The following PPP1R12B variants were observed in gnomAD, a reference collection of about 807,000 sequenced individuals.
PPP1R12B encodes protein phosphatase 1 regulatory subunit 12B.
PPP1R12B carries 76 observed loss-of-function variants against 126.1 expected under a neutral mutation model. The ratio of observed to expected loss-of-function variants is 0.60; its 90% CI spans 0.50 to 0.73. The LOEUF is 0.73. Among genes scored for constraint, PPP1R12B ranks in the 30% least tolerant of loss-of-function variants. PPP1R12B has a pLI of 0.00. For synonymous variants in PPP1R12B, 356 were observed against 434.7 expected, an observed-to-expected ratio of 0.82 and a Z score of 2.25; for missense variants, 1,052 against 1,205.1, an observed-to-expected ratio of 0.87 and a Z score of 1.88.
chr1:202,570,641 A>G lies in PPP1R12B; in HGVS notation c.2862+1444A>G, dbSNP rs1027567795. Among the ~76,000 whole-genome samples the G allele has an allele frequency of 2.2e-4, 33 of 152,206 alleles. 1 individual carries two copies. The highest frequency in any genetic ancestry group is 1.2e-3 in the Admixed American group (19 of 15,282). On this transcript the variant is annotated intron_variant, in intron 23 of 23. Coordinates refer to ENST00000608999, the MANE Select transcript of PPP1R12B (RefSeq NM_002481.4). ...TTTTTTTCAAACGCACCTTACTACC[A>G]CACAGAAGTATTCTCTCCCGCTTAG...
chr1:202,478,974 T>C (rs1217903301), intron 13 of PPP1R12B, among the ~76,000 whole-genome samples: 3 of 152,190 alleles, frequency 2.0e-5, no homozygotes, highest in African/African-American at 4.8e-5. Flanking sequence ...AAGAATTCAG[T>C]ATAATAGTGA....
At chr1:202,405,490 C>G (rs1352341045) in intron 1 of PPP1R12B, among the ~76,000 whole-genome samples, 1 of 152,084 alleles carries the variant, frequency 6.6e-6, no homozygotes, top group Non-Finnish European at 1.5e-5. Context: ...CCCTTGTTAA[C>G]TCTGGAGATA....
In PPP1R12B at chr1:202,580,660, G is replaced by C; in HGVS notation, c.*100G>C. Reference sequence around the variant, plus strand: ...TCCAACCAAAAGAAATGGATGTTTTGGTGGAAGGACACTTCTTTCTATCAC... The same window carrying C: ...TCCAACCAAAAGAAATGGATGTTTTCGTGGAAGGACACTTCTTTCTATCAC... On this transcript the variant is annotated 3_prime_UTR_variant, in exon 24 of 24. Transcript: ENST00000608999. 1.0e-6 allele frequency: 1 copy of C among 975,366 alleles called. No individual in the cohort carries two copies. Among genetic ancestry groups the C allele is most frequent in the South Asian group, 1.4e-5 (1 of 72,958 alleles). The allele number at this position is 975,366 out of a possible 1,614,324, so 60.4% of individuals were successfully genotyped here. A position where few individuals can be genotyped will look rare whatever the true frequency, so the allele number is the denominator to read the frequency against.
intron 1 of PPP1R12B, among the ~76,000 whole-genome samples, chr1:202,391,565 G>T (rs567428067): frequency 6.7e-6 from 1 of 149,876 alleles, no homozygotes; most frequent in African/African-American, 2.5e-5. Context: ...TTCTACTCAG[G>T]TGTATTGAAG....
rs780900215 is a variant in PPP1R12B at position 202,422,677 on chromosome 1, C to T, written c.480C>T (p.Pro160=). The part of the protein sequence containing the change: ...VGIVNSEGEV[P]SDLAEEPAMK... ...TTGTCAATAGTGAAGGTGAAGTTCCCTCTGACCTTGCAGAAGAGCCAGCCA... is the reference window on the plus strand; with the variant it reads ...TTGTCAATAGTGAAGGTGAAGTTCCTTCTGACCTTGCAGAAGAGCCAGCCA... Residue 160 remains proline, a synonymous_variant, in exon 3 of 24, where the codon CCC becomes CCT. Transcript: ENST00000608999. 2 of 1,613,824 alleles carry T rather than the reference C, an allele frequency of 1.2e-6. No individual in the cohort carries two copies. Among genetic ancestry groups the T allele is most frequent in the East Asian group, 2.2e-5 (1 of 44,874 alleles).
At chr1:202,383,342 C>A (rs7531968) in intron 1 of PPP1R12B, among the ~76,000 whole-genome samples, 3,451 of 152,254 alleles carry the variant, frequency 0.023, 134 homozygotes, top group African/African-American at 0.077. Flanking sequence ...AGGAATGTAT[C>A]CCTAAATATT....
At chr1:202,526,493 G>A (rs773873813) in intron 18 of PPP1R12B, among the ~76,000 whole-genome samples, 23 of 152,104 alleles carry the variant, frequency 1.5e-4, no homozygotes, top group Non-Finnish European at 2.4e-4. Context: ...GCACAGGTGC[G>A]GGTGTGGAGT....
At chr1:202,509,394 A>G (rs935467682) in intron 18 of PPP1R12B, among the ~76,000 whole-genome samples, 6 of 152,132 alleles carry the variant, frequency 3.9e-5, no homozygotes, top group African/African-American at 1.4e-4. Flanking sequence ...TCTCTCTGTT[A>G]TGTTTTAGTT....
At position 202,358,147 on chromosome 1, in the gene PPP1R12B, A is replaced by G. The variant is rs557465516; in HGVS notation, c.291+9005A>G. On this transcript the variant is annotated intron_variant, in intron 1 of 23. Transcript: ENST00000608999. ...TAAATCCAGATTAAGACCTTGGCCC[A>G]GAATGTCATATAGGACAAGGAATTG... 2.0e-5 allele frequency among the ~76,000 whole-genome samples: 3 copies of G among 152,340 alleles called. No homozygotes were observed. The South Asian group carries it at 6.2e-4, about 32-fold the overall frequency.
chr1:202,403,559 G>A (rs1378728095), intron 1 of PPP1R12B, among the ~76,000 whole-genome samples: 1 of 152,200 alleles, frequency 6.6e-6, no homozygotes, highest in Non-Finnish European at 1.5e-5. Context: ...CCCATGCCAT[G>A]GTATTCATGA....
chr1:202,410,576 A>C (rs766602431), intron 1 of PPP1R12B, among the ~76,000 whole-genome samples: 10 of 152,232 alleles, frequency 6.6e-5, no homozygotes, highest in Non-Finnish European at 1.3e-4. Flanking sequence ...CTGCACTGCC[A>C]GATTTAACCC....
chr1:202,377,256 C>G (rs1661316732), intron 1 of PPP1R12B, among the ~76,000 whole-genome samples: 1 of 151,402 alleles, frequency 6.6e-6, no homozygotes, highest in Admixed American at 6.6e-5. Flanking sequence ...TTGGGTATCT[C>G]GTAACTGCTT....
chr1:202,402,527 G>A (rs924460172), intron 1 of PPP1R12B, among the ~76,000 whole-genome samples: 8 of 152,282 alleles, frequency 5.3e-5, no homozygotes, highest in African/African-American at 1.9e-4. Flanking sequence ...TCTAGTGTGT[G>A]TTCTGTTTTC....
At chr1:202,497,484 T>G (rs1444921640) in intron 18 of PPP1R12B, among the ~76,000 whole-genome samples, 6 of 152,244 alleles carry the variant, frequency 3.9e-5, no homozygotes, top group Admixed American at 3.3e-4. Flanking sequence ...ATTGAAATTA[T>G]GTAAAAAGAT....
rs759740349 is a variant in PPP1R12B, at chr1:202,425,599, A to G, written c.575A>G (p.Glu192Gly). The G allele has an allele frequency of 1.9e-6, 3 of 1,614,010 alleles. No individual in the cohort carries two copies. Among genetic ancestry groups the G allele is most frequent in the East Asian group, 2.2e-5 (1 of 44,894 alleles). The change falls in exon 4 of 24, where the codon GAG becomes GGG. Residue 192 changes from glutamate (E) to glycine (G), a missense_variant. Physicochemically the swap from Glu to Gly is moderately conservative, Grantham distance 98. Coordinates refer to ENST00000608999, the MANE Select transcript of PPP1R12B (RefSeq NM_002481.4). ...VDLEQSRKEEEQQMLQDARQW... is the reference protein window; with the variant it reads ...VDLEQSRKEEGQQMLQDARQW... ...CTAGAGCAGTCAAGAAAAGAAGAAG[A>G]GCAGCAGATGTTGCAGGATGCCCGC...
At chr1:202,517,037 T>G (rs1216428315) in intron 18 of PPP1R12B, among the ~76,000 whole-genome samples, 3 of 152,216 alleles carry the variant, frequency 2.0e-5, no homozygotes, top group African/African-American at 4.8e-5. Flanking sequence ...TACAAAATGT[T>G]TTCAGAGAGA....
intron 18 of PPP1R12B, among the ~76,000 whole-genome samples, chr1:202,533,913 G>T (rs1285521707): frequency 2.0e-5 from 3 of 152,072 alleles, no homozygotes; most frequent in Non-Finnish European, 4.4e-5. Flanking sequence ...GTAAACTCCA[G>T]TTTCTCCTCT....
In PPP1R12B at chr1:202,434,444, G is replaced by A. The variant is rs963558551; in HGVS notation, c.1142-212G>A. Among the ~76,000 whole-genome samples the A allele has an allele frequency of 3.9e-5, 6 of 152,316 alleles. No individual in the cohort carries two copies. The South Asian group carries it at 1.2e-3, about 32-fold the overall frequency. On this transcript the variant is annotated intron_variant, in intron 8 of 23. Coordinates refer to ENST00000608999, the MANE Select transcript of PPP1R12B (RefSeq NM_002481.4). Reference sequence around the variant, plus strand: ...CAGTTTTTATCTGAAAGTTGGAGTTGGAGCCTACCAAGATGGGAATAACAT... The same window carrying A: ...CAGTTTTTATCTGAAAGTTGGAGTTAGAGCCTACCAAGATGGGAATAACAT...
chr1:202,442,369 C>T (rs1350700042), intron 11 of PPP1R12B, 78 bp from the exon 12 acceptor site: 13 of 1,492,600 alleles, frequency 8.7e-6, no homozygotes, highest in African/African-American at 4.2e-5. Flanking sequence ...CTGTCTGGCT[C>T]TTCTCTCTCT....
Sources: allele counts gnomAD v4.1 joint callset (sites outside exome capture counted in the v4.1 genomes callset), GRCh38; gene constraint gnomAD v4.1.1; transcripts MANE v1.5; gene names NCBI Gene and HGNC (gene_info 2026-07-23, HGNC 2026-07-21).